GRIN3A: variants seen among roughly 807,000 people sequenced by gnomAD.
The protein encoded by GRIN3A is glutamate receptor ionotropic, NMDA 3A.
A neutral mutation model predicts 92.4 loss-of-function variants in GRIN3A; 47 were observed. The observed-to-expected ratio is 0.51, with a 90% CI of 0.40 to 0.65. The LOEUF is 0.65. Ranked by LOEUF, GRIN3A falls within the 30% of genes least tolerant of loss-of-function variation. The probability of loss-of-function intolerance (pLI) is 0.00; values close to 1 mark genes in which losing one functional copy is unlikely to be tolerated. For synonymous variants in GRIN3A, 527 were observed against 540.6 expected (o/e 0.97, Z 0.35); for missense variants, 1,324 against 1,393.1 (o/e 0.95, Z 0.79).
At chr9:101,725,942 C>G (rs1205699127) in intron 1 of GRIN3A, among the ~76,000 whole-genome samples, 1 of 152,150 alleles carries the variant, frequency 6.6e-6, no homozygotes, top group Non-Finnish European at 1.5e-5. Context: ...GTATTTTTCT[C>G]CATTGCACTT....
rs528046968 is a variant in GRIN3A at position 101,631,435 on chromosome 9, C to A, written c.2353-3034G>T. Among the ~76,000 whole-genome samples, 22 of 152,252 alleles carry A rather than the reference C, an allele frequency of 1.4e-4. No homozygotes were observed. In the South Asian group the frequency reaches 4.1e-3, roughly 29 times the overall value. ...CTCTCATATAGAAACAGAATTCCTTCCAGAAATACATTCTTTACATTATGT... is the reference window on the plus strand; with the variant it reads ...CTCTCATATAGAAACAGAATTCCTTACAGAAATACATTCTTTACATTATGT... On this transcript the variant is annotated intron_variant, in intron 3 of 8. Transcript: ENST00000361820.
chr9:101,677,980 G>T (rs79855857), intron 2 of GRIN3A, among the ~76,000 whole-genome samples: 6 of 152,076 alleles, frequency 3.9e-5, no homozygotes, highest in Non-Finnish European at 7.4e-5. Context: ...CAGATTTGGA[G>T]AGCAGCATCT....
chr9:101,600,348 T>A (rs1420020946), intron 6 of GRIN3A, among the ~76,000 whole-genome samples: 1 of 152,184 alleles, frequency 6.6e-6, no homozygotes, highest in Admixed American at 6.5e-5. Flanking sequence ...TTATTGAGGA[T>A]CTACTATGTG....
intron 2 of GRIN3A, among the ~76,000 whole-genome samples, chr9:101,676,314 T>C (rs979137873): frequency 5.5e-4 from 83 of 151,868 alleles, no homozygotes; most frequent in African/African-American, 1.9e-3. Flanking sequence ...CTTTTCTTTT[T>C]CCCCCTATTT....
At chr9:101,643,431 A>C (rs1336380467) in intron 3 of GRIN3A, among the ~76,000 whole-genome samples, 1 of 152,042 alleles carries the variant, frequency 6.6e-6, no homozygotes, top group Non-Finnish European at 1.5e-5. Flanking sequence ...AGAAAATGTA[A>C]CCCTTGTACA....
At chr9:101,632,959 T>A (rs1322441504) in intron 3 of GRIN3A, among the ~76,000 whole-genome samples, 1 of 152,222 alleles carries the variant, frequency 6.6e-6, no homozygotes, top group African/African-American at 2.4e-5. Context: ...TATATTTGCA[T>A]CAACCTTTTT....
chr9:101,679,278 A>C (rs1339440824), intron 2 of GRIN3A, among the ~76,000 whole-genome samples: 4 of 152,166 alleles, frequency 2.6e-5, no homozygotes, highest in Admixed American at 2.6e-4. Context: ...GATGCATATA[A>C]AGTGAAAAAG....
chr9:101,703,638 G>C (rs905605923), intron 1 of GRIN3A, among the ~76,000 whole-genome samples: 14 of 152,212 alleles, frequency 9.2e-5, no homozygotes, highest in Admixed American at 8.5e-4. Context: ...AAAACGTTCA[G>C]TGGCATTTGG....
chr9:101,713,397 TG>T (rs1334558416), intron 1 of GRIN3A, among the ~76,000 whole-genome samples: 1 of 152,174 alleles, frequency 6.6e-6, no homozygotes, highest in Non-Finnish European at 1.5e-5. Flanking sequence ...CAGAAACACC[TG>T]GGAAATTTGT....
rs35932134 is a variant in GRIN3A at position 101,665,059 on chromosome 9, AAC to A, written c.2352+4999_2352+5000del. Among the ~76,000 whole-genome samples the A allele has an allele frequency of 7.6e-3, 1,150 of 152,072 alleles. 12 individuals are homozygous for A. Among genetic ancestry groups the A allele is most frequent in the African/African-American group, 0.026 (1,092 of 41,534 alleles). ...GATTCCAAGACTAATACCAAAAAAA[AAC>A]AGCTTAAATTTTGAGCTAGAAATAT... On this transcript the variant is annotated intron_variant, in intron 3 of 8. Coordinates refer to ENST00000361820, the MANE Select transcript of GRIN3A (RefSeq NM_133445.3).
intron 6 of GRIN3A, among the ~76,000 whole-genome samples, chr9:101,590,678 C>A (rs1312438504): frequency 6.6e-6 from 1 of 152,132 alleles, no homozygotes; most frequent in East Asian, 1.9e-4. Flanking sequence ...CCGCGCCCGG[C>A]CAACACTCTT....
chr9:101,685,049 A>C (rs182471518), intron 2 of GRIN3A, among the ~76,000 whole-genome samples: 2 of 152,182 alleles, frequency 1.3e-5, no homozygotes, highest in African/African-American at 4.8e-5. Context: ...TGGAAATTAT[A>C]ATATGGGAAA....
At chr9:101,584,392 CAT>C (rs1827924778) in intron 6 of GRIN3A, among the ~76,000 whole-genome samples, 1 of 152,156 alleles carries the variant, frequency 6.6e-6, no homozygotes, top group African/African-American at 2.4e-5. Flanking sequence ...GAAGAAAAAA[CAT>C]AGTTTGTATC....
At chr9:101,692,876 TAAGGAC>T (rs1829638118) in intron 1 of GRIN3A, among the ~76,000 whole-genome samples, 1 of 152,178 alleles carries the variant, frequency 6.6e-6, no homozygotes, top group Non-Finnish European at 1.5e-5. Context: ...ATGGTTACAT[TAAGGAC>T]ACAGACAAGC....
intron 3 of GRIN3A, 151 bp downstream of exon 3, chr9:101,669,909 A>T (rs1829294430): frequency 1.6e-6 from 1 of 625,874 alleles, no homozygotes; most frequent in African/African-American, 1.8e-5. Context: ...ATTTAGTTAA[A>T]CCAGGCAACA....
At chr9:101,577,937 C>A in intron 7 of GRIN3A, 93 bp from the exon 8 acceptor site, 1 of 892,346 alleles carries the variant, frequency 1.1e-6, no homozygotes, top group South Asian at 1.3e-5. Context: ...TATATGTAGT[C>A]GTTACAAACC....
intron 6 of GRIN3A, among the ~76,000 whole-genome samples, chr9:101,600,080 TG>T: frequency 6.6e-6 from 1 of 152,322 alleles, no homozygotes; most frequent in Middle Eastern, 3.4e-3. Flanking sequence ...TTTGTGACCT[TG>T]GGCAGAGTTA....
At chr9:101,642,087 C>T (rs1012745384) in intron 3 of GRIN3A, among the ~76,000 whole-genome samples, 10 of 152,046 alleles carry the variant, frequency 6.6e-5, no homozygotes, top group African/African-American at 2.2e-4. Flanking sequence ...TACTATAAAG[C>T]TATAGTAATC....
intron 1 of GRIN3A, among the ~76,000 whole-genome samples, chr9:101,731,379 G>A (rs1830138421): frequency 6.6e-6 from 1 of 152,138 alleles, no homozygotes; most frequent in Non-Finnish European, 1.5e-5. Flanking sequence ...AGGGCTGTTA[G>A]GAGATTATTT....
Sources: allele counts gnomAD v4.1 joint callset (sites outside exome capture counted in the v4.1 genomes callset), GRCh38; gene constraint gnomAD v4.1.1; transcripts MANE v1.5; gene names NCBI Gene and HGNC (gene_info 2026-07-23, HGNC 2026-07-21).